The following TAOK3 variants were observed in gnomAD, a reference collection of about 807,000 sequenced individuals.
TAOK3 encodes serine/threonine-protein kinase TAO3.
In TAOK3, 40 loss-of-function variants were observed where a neutral mutation model predicts 120.4. That is an observed-to-expected ratio of 0.33 (90% CI 0.26 to 0.43). The LOEUF (loss-of-function observed/expected upper bound fraction) is 0.43, where lower values mean the gene tolerates loss of function less well. Among genes scored for constraint, TAOK3 ranks in the 20% least tolerant of loss-of-function variants. The pLI, the probability that TAOK3 is intolerant of heterozygous loss-of-function variation, is 1.00. For missense variants in TAOK3, 821 were observed against 1,112.1 expected (o/e 0.74, Z 3.72); for synonymous variants, 355 against 387.5 (o/e 0.92, Z 0.99).
intron 1 of TAOK3, 77 bp from the exon 2 acceptor site, chr12:118,266,836 C>T: frequency 7.8e-6 from 3 of 386,790 alleles, no homozygotes; most frequent in Non-Finnish European, 1.4e-5. Context: ...GGTAGTTTTA[C>T]ATATTTACAA....
chr12:118,189,535 G>GACACACACACAC (rs869285530), intron 14 of TAOK3, among the ~76,000 whole-genome samples: 3 of 132,268 alleles, frequency 2.3e-5, no homozygotes, highest in African/African-American at 5.7e-5. Context: ...CACAGACACA[G>GACACACACACAC]ACACACACAC....
At position 118,279,059 on chromosome 12, in the gene TAOK3, C is replaced by A. The variant is rs184176802; in HGVS notation, c.-193-12300G>T. ...TGACCTCTTGATCACCACAGGTGAT[C>A]TGCCTGCCTTGGCCTCTCAGAGTGC... On this transcript the variant is annotated intron_variant, in intron 1 of 20. Transcript: ENST00000392533. 3.6e-3 allele frequency among the ~76,000 whole-genome samples: 549 copies of A among 152,300 alleles called. 5 individuals carry two copies. The highest frequency in any genetic ancestry group is 0.013 in the African/African-American group (524 of 41,572).
At chr12:118,251,370 C>T (rs1271861335) in intron 3 of TAOK3, among the ~76,000 whole-genome samples, 3 of 152,150 alleles carry the variant, frequency 2.0e-5, no homozygotes, top group African/African-American at 4.8e-5. Context: ...TAAAGCTTTT[C>T]GTAAGTTCTA....
intron 1 of TAOK3, among the ~76,000 whole-genome samples, chr12:118,315,665 T>G (rs1376273637): frequency 6.6e-6 from 1 of 152,186 alleles, no homozygotes; most frequent in African/African-American, 2.4e-5. Flanking sequence ...TCTGCAAGTT[T>G]GAAATATTTT....
chr12:118,152,638 A>C, intron 19 of TAOK3: 1 of 471,902 alleles, frequency 2.1e-6, no homozygotes. Context: ...CTGAAACCAC[A>C]GCAGCAGGCG....
chr12:118,192,403 TC>T (rs977267015), intron 13 of TAOK3, among the ~76,000 whole-genome samples: 4 of 152,216 alleles, frequency 2.6e-5, no homozygotes, highest in African/African-American at 9.6e-5. Flanking sequence ...TACATTTTTT[TC>T]CTTTTATAAA....
At chr12:118,335,157 C>A (rs569389621) in intron 1 of TAOK3, among the ~76,000 whole-genome samples, 2 of 148,590 alleles carry the variant, frequency 1.3e-5, no homozygotes, top group African/African-American at 2.5e-5. Flanking sequence ...CCACTTCAGC[C>A]TGGGCAACAA....
At chr12:118,266,323 G>C (rs1040468848) in intron 2 of TAOK3, among the ~76,000 whole-genome samples, 1 of 151,760 alleles carries the variant, frequency 6.6e-6, no homozygotes, top group Admixed American at 6.6e-5. Context: ...CTCCCCAGTA[G>C]CTGGGACTAC....
In TAOK3 at chr12:118,199,113, G is replaced by A. The variant is rs774739582; in HGVS notation, c.1132C>T (p.Leu378Phe). Residue 378 changes from leucine to phenylalanine, a missense_variant, in exon 13 of 21, where the codon CTT becomes TTT. Transcript: ENST00000392533. ...QEVMDESSSE[L>F]VMMHDDESTI... is the part of the protein sequence containing the mutation. ...CTTTCGTCATCGTGCATCATGACAAGTTCGGAACTGCTCTCGTCCATGACT... is the reference window on the plus strand; with the variant it reads ...CTTTCGTCATCGTGCATCATGACAAATTCGGAACTGCTCTCGTCCATGACT... 1.4e-5 allele frequency: 22 copies of A among 1,614,048 alleles called. 1 individual carries two copies. The Admixed American group carries it at 2.7e-4, about 20-fold the overall frequency.
intron 17 of TAOK3, among the ~76,000 whole-genome samples, chr12:118,166,592 T>C (rs1022144319): frequency 2.6e-5 from 4 of 152,080 alleles, no homozygotes; most frequent in Non-Finnish European, 5.9e-5. Context: ...TTTTATACTT[T>C]TTCAGTCTGT....
At chr12:118,210,471 A>G (rs2038564343) in intron 11 of TAOK3, among the ~76,000 whole-genome samples, 1 of 152,090 alleles carries the variant, frequency 6.6e-6, no homozygotes. Flanking sequence ...TTCCACCCCA[A>G]AATAAACTTT....
chr12:118,168,784 A>G (rs561807501), intron 17 of TAOK3, among the ~76,000 whole-genome samples: 6 of 152,240 alleles, frequency 3.9e-5, no homozygotes, highest in African/African-American at 1.4e-4. Context: ...TATTGACATG[A>G]ATTGTCCCCT....
chr12:118,211,671 A>C (rs1361640364), intron 11 of TAOK3, among the ~76,000 whole-genome samples: 1 of 148,298 alleles, frequency 6.7e-6, no homozygotes, highest in East Asian at 2.0e-4. Flanking sequence ...GCTGGAGTGC[A>C]GTGGCACAAT....
intron 1 of TAOK3, among the ~76,000 whole-genome samples, chr12:118,293,777 G>A (rs2042573043): frequency 6.6e-6 from 1 of 152,084 alleles, no homozygotes; most frequent in African/African-American, 2.4e-5. Flanking sequence ...ACTTTGGGAG[G>A]CCGAGGCAGG....
chr12:118,166,495 G>T (rs901889958), intron 17 of TAOK3, among the ~76,000 whole-genome samples: 1 of 149,554 alleles, frequency 6.7e-6, no homozygotes, highest in African/African-American at 2.5e-5. Context: ...CTGAGACTGC[G>T]CCATTGCATT....
chr12:118,196,049 CAAAATAAATAAA>C (rs2037707563), intron 13 of TAOK3, among the ~76,000 whole-genome samples: 1 of 89,764 alleles, frequency 1.1e-5, no homozygotes, highest in Non-Finnish European at 2.4e-5. Flanking sequence ...GACTCCATCT[CAAAATAAATAAA>C]TAAATAAATA....
At chr12:118,355,413 T>C (rs1020833917) in intron 1 of TAOK3, among the ~76,000 whole-genome samples, 1 of 152,200 alleles carries the variant, frequency 6.6e-6, no homozygotes, top group Non-Finnish European at 1.5e-5. Context: ...GGAAATGATC[T>C]CAATTGAAAC....
intron 1 of TAOK3, among the ~76,000 whole-genome samples, chr12:118,348,261 T>G (rs2044963231): frequency 6.6e-6 from 1 of 152,232 alleles, no homozygotes; most frequent in Admixed American, 6.5e-5. Context: ...CTATTTTGCC[T>G]TTAAAGGACA....
intron 1 of TAOK3, among the ~76,000 whole-genome samples, chr12:118,267,446 C>T (rs2041499418): frequency 6.6e-6 from 1 of 151,614 alleles, no homozygotes; most frequent in Non-Finnish European, 1.5e-5. Flanking sequence ...ACCTCCTGAC[C>T]TCAAGTGATC....
Sources: gnomAD v4.1 joint callset for allele counts (sites outside exome capture counted in the v4.1 genomes callset) on GRCh38, gnomAD v4.1.1 for gene constraint, MANE v1.5 for transcripts, NCBI Gene and HGNC (gene_info 2026-07-23, HGNC 2026-07-21) for gene names.